SMYD3: variants seen among roughly 807,000 people sequenced by gnomAD.
SMYD3 encodes the protein histone-lysine N-methyltransferase SMYD3.
Under a neutral mutation model 57.7 loss-of-function variants are expected in SMYD3, and 36 were observed. That is an observed-to-expected ratio of 0.62 (90% CI 0.48 to 0.82). The LOEUF (loss-of-function observed/expected upper bound fraction) is 0.82, where lower values mean the gene tolerates loss of function less well. Ranked by LOEUF, SMYD3 falls within the 40% of genes least tolerant of loss-of-function variation. SMYD3 has a pLI of 0.00. For synonymous variants in SMYD3, 211 were observed against 195.0 expected (o/e 1.08, Z -0.68); for missense variants, 515 against 538.8 (o/e 0.96, Z 0.44).
intron 5 of SMYD3, among the ~76,000 whole-genome samples, chr1:246,019,900 T>C (rs1369735937): frequency 1.3e-5 from 2 of 152,218 alleles, no homozygotes; most frequent in East Asian, 1.9e-4. Flanking sequence ...TATAGCAGCA[T>C]GGCATGAAGC....
At chr1:246,003,722 T>G (rs565144197) in intron 5 of SMYD3, among the ~76,000 whole-genome samples, 1 of 152,346 alleles carries the variant, frequency 6.6e-6, no homozygotes, top group Admixed American at 6.5e-5. Context: ...ATCAATGTCA[T>G]GAAGCATTAA....
chr1:245,938,924 T>A (rs1015313727), intron 5 of SMYD3, among the ~76,000 whole-genome samples: 2 of 152,046 alleles, frequency 1.3e-5, no homozygotes, highest in Admixed American at 1.3e-4. Context: ...TTCATCAGAA[T>A]GTGAAGAAAA....
At chr1:246,054,951 G>A (rs934654897) in intron 5 of SMYD3, among the ~76,000 whole-genome samples, 26 of 151,244 alleles carry the variant, frequency 1.7e-4, no homozygotes, top group Middle Eastern at 7.0e-3. Flanking sequence ...CGAGGCGGGC[G>A]GATCACGAGG....
At position 246,131,651 on chromosome 1, in the gene SMYD3, T is replaced by C. The variant is rs552818329; in HGVS notation, c.531+195550A>G. Among the ~76,000 whole-genome samples, 17 of 152,322 alleles carry C rather than the reference T, an allele frequency of 1.1e-4. No homozygotes were observed. In the East Asian group the frequency reaches 3.1e-3, roughly 28 times the overall value. On this transcript the variant is annotated intron_variant, in intron 5 of 11. Coordinates refer to ENST00000490107, the MANE Select transcript of SMYD3 (RefSeq NM_001167740.2). The stretch of plus-strand genomic sequence containing the variant: ...ACTCTTACTGATTGTCTTTTGTCTA[T>C]TGAAATATTCCCCTCCTGACTACAC...
Position 246,185,381 on chromosome 1 carries a change from T to C in SMYD3, c.531+141820A>G, listed in dbSNP as rs555628268. 1.7e-3 allele frequency among the ~76,000 whole-genome samples: 233 copies of C among 137,148 alleles called. 1 individual carries two copies. Among genetic ancestry groups the C allele is most frequent in the African/African-American group, 6.0e-3 (220 of 36,896 alleles). 90.0% of individuals were successfully genotyped at this position (137,148 alleles called of 152,430 possible). A position where few individuals can be genotyped will look rare whatever the true frequency, so the allele number is the denominator to read the frequency against. ...TCTCCTGAGTAGCTGGGACTGCAGG[T>C]GCCCGCCAACACGCCCGGCTAATTT... On this transcript the variant is annotated intron_variant, in intron 5 of 11. Transcript: ENST00000490107.
rs1408105406 is a variant in SMYD3, at chr1:246,083,143, A to C, written c.532-153206T>G. On this transcript the variant is annotated intron_variant, in intron 5 of 11. Transcript: ENST00000490107. ...GAGGAGGATTAGTAAAAGAGGAAGG[A>C]ATGCCTCTTTGCAGTTGAGATAAGA... Among the ~76,000 whole-genome samples the C allele has an allele frequency of 7.4e-5, 11 of 149,094 alleles. 1 individual carries two copies. Among genetic ancestry groups the C allele is most frequent in the Middle Eastern group, 6.8e-3 (2 of 294 alleles).
chr1:246,330,580 T>C (rs1160646339), intron 3 of SMYD3, 43 bp from the exon 4 acceptor site: 2 of 1,526,742 alleles, frequency 1.3e-6, no homozygotes, highest in Admixed American at 2.1e-5. Context: ...ATTTCAAGTG[T>C]TCCAATATAT....
chr1:246,056,772 G>GA (rs77507292), intron 5 of SMYD3, among the ~76,000 whole-genome samples: 25,725 of 149,996 alleles, frequency 0.17, 2,686 homozygotes, highest in East Asian at 0.39. Context: ...AAACTAAAAA[G>GA]AAAAAAAAAG....
intron 5 of SMYD3, among the ~76,000 whole-genome samples, chr1:246,004,395 G>T (rs1186737730): frequency 6.6e-6 from 1 of 152,186 alleles, no homozygotes; most frequent in Non-Finnish European, 1.5e-5. Flanking sequence ...GCCAGCCACA[G>T]TACCTGCAAG....
At chr1:245,762,790 AGT>A (rs1016768089) in intron 11 of SMYD3, among the ~76,000 whole-genome samples, 88 of 152,192 alleles carry the variant, frequency 5.8e-4, no homozygotes, top group African/African-American at 2.1e-3. Flanking sequence ...GGCGGCTGCC[AGT>A]GTTTTGGGAT....
chr1:246,500,505 A>T (rs1213942813), intron 1 of SMYD3, among the ~76,000 whole-genome samples: 2 of 152,012 alleles, frequency 1.3e-5, no homozygotes, highest in African/African-American at 2.4e-5. Flanking sequence ...ATTCCAACTG[A>T]CTCCTCCATG....
intron 5 of SMYD3, among the ~76,000 whole-genome samples, chr1:246,002,275 C>T (rs12734755): frequency 1.0e-3 from 137 of 131,752 alleles, no homozygotes; most frequent in South Asian, 2.9e-3. Flanking sequence ...AGCTCCGCCT[C>T]CCGGGTTCAC....
intron 1 of SMYD3, among the ~76,000 whole-genome samples, chr1:246,439,855 T>C (rs1482802523): frequency 6.6e-6 from 1 of 151,966 alleles, no homozygotes; most frequent in African/African-American, 2.4e-5. Flanking sequence ...GAGGATGGGA[T>C]GGGAGGATCA....
intron 5 of SMYD3, among the ~76,000 whole-genome samples, chr1:246,046,283 T>C (rs1433068861): frequency 6.6e-6 from 1 of 152,138 alleles, no homozygotes; most frequent in Non-Finnish European, 1.5e-5. Flanking sequence ...CACCATGGAA[T>C]ACTATGCAGC....
In SMYD3 at chr1:246,507,149, C is replaced by CGGG. The variant is rs1558496599; in HGVS notation, c.66_68dup (p.Pro23dup). 6.5e-7 allele frequency: 1 copy of CGGG among 1,532,760 alleles called. No homozygotes were observed. 94.9% of individuals were successfully genotyped at this position (1,532,760 alleles called of 1,614,324 possible). On this transcript the variant is annotated inframe_insertion, in exon 1 of 12. Transcript: ENST00000490107. ...GGAAGAGTAGCTCTCCGGGGCGCAG[C>CGGG]GGGGTCACGGCGCGCAGCCCGTTTC... is the stretch of plus-strand genomic sequence containing the variant.
chr1:246,052,061 A>C (rs533385642), intron 5 of SMYD3, among the ~76,000 whole-genome samples: 6 of 152,222 alleles, frequency 3.9e-5, no homozygotes, highest in Non-Finnish European at 8.8e-5. Context: ...AAATACACTT[A>C]ATTAGATTAT....
chr1:245,925,961 G>A (rs1180026729), intron 7 of SMYD3, among the ~76,000 whole-genome samples: 1 of 152,104 alleles, frequency 6.6e-6, no homozygotes, highest in East Asian at 1.9e-4. Context: ...CCACAGACTG[G>A]GTAATTTATA....
At chr1:246,440,276 G>A (rs1219202096) in intron 1 of SMYD3, among the ~76,000 whole-genome samples, 1 of 152,152 alleles carries the variant, frequency 6.6e-6, no homozygotes, top group Non-Finnish European at 1.5e-5. Flanking sequence ...CACTTAATGT[G>A]ATTATTTGCC....
At chr1:246,204,202 A>G (rs1317011797) in intron 5 of SMYD3, among the ~76,000 whole-genome samples, 1 of 152,234 alleles carries the variant, frequency 6.6e-6, no homozygotes, top group East Asian at 1.9e-4. Context: ...AAATAGGTTT[A>G]TAATCTATTT....
Sources: gnomAD v4.1 joint callset for allele counts (sites outside exome capture counted in the v4.1 genomes callset) on GRCh38, gnomAD v4.1.1 for gene constraint, MANE v1.5 for transcripts, NCBI Gene and HGNC (gene_info 2026-07-23, HGNC 2026-07-21) for gene names.